Variants in ECHDC1 observed in about 807,000 individuals in gnomAD.
ECHDC1 encodes ethylmalonyl-CoA decarboxylase 1.
A neutral mutation model predicts 29.7 loss-of-function variants in ECHDC1; 29 were observed. The ratio of observed to expected loss-of-function variants is 0.98; its 90% confidence interval spans 0.73 to 1.33. ECHDC1 has a LOEUF of 1.33. Among genes scored for constraint, ECHDC1 ranks in the 40% most tolerant of loss-of-function variants. ECHDC1 has a pLI of 0.00. For missense variants in ECHDC1, 328 were observed against 350.0 expected, an observed-to-expected ratio of 0.94 and a Z score of 0.50; for synonymous variants, 126 against 123.1, an observed-to-expected ratio of 1.02 and a Z score of -0.15.
intron 5 of ECHDC1, among the ~76,000 whole-genome samples, chr6:127,304,545 T>A (rs1204853084): frequency 6.6e-6 from 1 of 152,016 alleles, no homozygotes; most frequent in Non-Finnish European, 1.5e-5. Context: ...ACCCACCAAA[T>A]GAACTAAACA....
At chr6:127,297,597 G>A (rs1395269199) in intron 5 of ECHDC1, among the ~76,000 whole-genome samples, 2 of 152,076 alleles carry the variant, frequency 1.3e-5, no homozygotes, top group African/African-American at 4.8e-5. Flanking sequence ...TGTGATTAGC[G>A]GGCTTCCAGG....
chr6:127,343,554 C>T lies in ECHDC1; in HGVS notation c.-221G>A, dbSNP rs1183819708. On this transcript the variant is annotated 5_prime_UTR_variant, in exon 1 of 6. Coordinates refer to ENST00000454859, the MANE Select transcript of ECHDC1 (RefSeq NM_001002030.2). The stretch of plus-strand genomic sequence containing the variant: ...CGTTCCCCTGCCGGTTCCCGTGACC[C>T]CGGAAATCCCGCTCCTGCCGCGAGG... The T allele has an allele frequency of 1.3e-5, 2 of 152,224 alleles. No individual in the cohort carries two copies. Among genetic ancestry groups the T allele is most frequent in the African/African-American group, 4.8e-5 (2 of 41,438 alleles). 9.4% of individuals were successfully genotyped at this position (152,224 alleles called of 1,614,324 possible). A position where few individuals can be genotyped will look rare whatever the true frequency, so the allele number is the denominator to read the frequency against.
chr6:127,307,343 AAT>A (rs1415635348), intron 5 of ECHDC1, among the ~76,000 whole-genome samples: 2 of 152,176 alleles, frequency 1.3e-5, no homozygotes, highest in East Asian at 3.9e-4. Context: ...AAATTAAAAA[AAT>A]ATTGACTGGG....
intron 4 of ECHDC1, chr6:127,315,766 C>G (rs1782313535): frequency 1.9e-5 from 7 of 373,914 alleles, no homozygotes; most frequent in Admixed American, 1.1e-4. Context: ...ATTACTCTCT[C>G]TAGACTCTCA....
intron 3 of ECHDC1, among the ~76,000 whole-genome samples, chr6:127,321,376 A>G (rs1004031745): frequency 6.6e-6 from 1 of 152,228 alleles, no homozygotes; most frequent in Admixed American, 6.5e-5. Context: ...TGTAACTCAT[A>G]TATAATACAT....
intron 5 of ECHDC1, chr6:127,313,498 A>C: frequency 2.3e-6 from 1 of 438,722 alleles, no homozygotes; most frequent in Non-Finnish European, 4.6e-6. Context: ...CCACCACGCC[A>C]GGCTTAAAAG....
chr6:127,313,679 A>G, intron 5 of ECHDC1: 1 of 435,580 alleles, frequency 2.3e-6, no homozygotes, highest in Non-Finnish European at 4.6e-6. Context: ...GAATTTTTAA[A>G]AAAATGGCAA....
chr6:127,291,028 G>T (rs561795440), intron 5 of ECHDC1, among the ~76,000 whole-genome samples: 1 of 152,094 alleles, frequency 6.6e-6, no homozygotes, highest in Non-Finnish European at 1.5e-5. Flanking sequence ...AGAAGGAATT[G>T]CAAGTGCAAA....
At chr6:127,341,534 C>A (rs189145497) in intron 1 of ECHDC1, 1 of 152,272 alleles carries the variant, frequency 6.6e-6, no homozygotes, top group Admixed American at 6.5e-5. Flanking sequence ...ATTTTATAAG[C>A]TTTCTTCGGG....
At position 127,309,744 on chromosome 6, in the gene ECHDC1, T is replaced by C. The variant is rs187595046; in HGVS notation, c.497+5072A>G. 1.2e-4 allele frequency among the ~76,000 whole-genome samples: 18 copies of C among 152,248 alleles called. 1 individual carries two copies. The East Asian group carries it at 2.7e-3, about 23-fold the overall frequency. Reference sequence around the variant, plus strand: ...TTTAATTGACTCATAGTTCCACAGATTGTATGGGAAGCATGGCTGGGGAGG... The same window carrying C: ...TTTAATTGACTCATAGTTCCACAGACTGTATGGGAAGCATGGCTGGGGAGG... On this transcript the variant is annotated intron_variant, in intron 5 of 5. Coordinates refer to ENST00000454859, the MANE Select transcript of ECHDC1 (RefSeq NM_001002030.2).
chr6:127,320,652 G>A (rs1195877313), intron 3 of ECHDC1, among the ~76,000 whole-genome samples: 1 of 152,068 alleles, frequency 6.6e-6, no homozygotes, highest in African/African-American at 2.4e-5. Context: ...TAGCCTACAG[G>A]ACATCTGTGG....
chr6:127,330,406 A>T lies in ECHDC1; in HGVS notation c.220+403T>A, dbSNP rs3756993. 7.9e-5 allele frequency among the ~76,000 whole-genome samples: 12 copies of T among 152,088 alleles called. No homozygotes were observed. In the South Asian group the frequency reaches 1.0e-3, roughly 13 times the overall value. On this transcript the variant is annotated intron_variant, in intron 2 of 5. Coordinates refer to ENST00000454859, the MANE Select transcript of ECHDC1 (RefSeq NM_001002030.2). ...TATTTCAATTCACAGAAAAAAATTA[A>T]GCTAAATAATTCTTTTCATTAACAG...
chr6:127,315,048 T>A, intron 4 of ECHDC1, 152 bp from the exon 5 acceptor site: 1 of 745,512 alleles, frequency 1.3e-6, no homozygotes, highest in South Asian at 1.5e-5. Flanking sequence ...AGCAGAAGCT[T>A]GAACCTTTAC....
intron 1 of ECHDC1, among the ~76,000 whole-genome samples, chr6:127,340,929 CT>C (rs1784886966): frequency 6.6e-6 from 1 of 152,144 alleles, no homozygotes; most frequent in Admixed American, 6.5e-5. Context: ...TACATTACCC[CT>C]CTCTCCAACA....
intron 1 of ECHDC1, among the ~76,000 whole-genome samples, chr6:127,339,369 T>C (rs1186362930): frequency 6.6e-6 from 1 of 151,388 alleles, no homozygotes; most frequent in Non-Finnish European, 1.5e-5. Context: ...CATTAAATTT[T>C]TGTGGAACTA....
chr6:127,321,563 T>C (rs1317025736), intron 3 of ECHDC1, among the ~76,000 whole-genome samples: 1 of 152,240 alleles, frequency 6.6e-6, no homozygotes, highest in Non-Finnish European at 1.5e-5. Context: ...ACACATTCCA[T>C]ACTTTATATG....
At chr6:127,325,543 C>T (rs1340540497) in intron 3 of ECHDC1, among the ~76,000 whole-genome samples, 1 of 152,058 alleles carries the variant, frequency 6.6e-6, no homozygotes, top group Admixed American at 6.6e-5. Context: ...ACTCTCAAGG[C>T]CCTGACATAT....
intron 2 of ECHDC1, among the ~76,000 whole-genome samples, chr6:127,329,596 A>T (rs1249109759): frequency 6.6e-6 from 1 of 152,210 alleles, no homozygotes; most frequent in Non-Finnish European, 1.5e-5. Context: ...ATACGTGGCT[A>T]GTCCAAATTA....
intron 3 of ECHDC1, among the ~76,000 whole-genome samples, chr6:127,322,266 C>T (rs1300861666): frequency 6.6e-6 from 1 of 152,144 alleles, no homozygotes; most frequent in East Asian, 1.9e-4. Flanking sequence ...AGATCGCTGC[C>T]ACTGCACTCC....
Sources: gnomAD v4.1 joint callset for allele counts (sites outside exome capture counted in the v4.1 genomes callset) on GRCh38, gnomAD v4.1.1 for gene constraint, MANE v1.5 for transcripts, NCBI Gene and HGNC (gene_info 2026-07-23, HGNC 2026-07-21) for gene names.